Variants in PALLD observed in about 807,000 individuals in gnomAD.
PALLD encodes the protein palladin.
A neutral mutation model predicts 123.5 loss-of-function variants in PALLD; 61 were observed. That is an observed-to-expected ratio of 0.49 (90% CI 0.40 to 0.61). The LOEUF (loss-of-function observed/expected upper bound fraction) is 0.61, where lower values mean the gene tolerates loss of function less well. PALLD is among the 20% of genes least tolerant of loss of function. PALLD has a pLI of 0.00. For missense variants in PALLD, 1,273 were observed against 1,377.0 expected (o/e 0.92, Z 1.20); for synonymous variants, 465 against 496.4 (o/e 0.94, Z 0.84).
At chr4:168,693,921 C>T (rs543602596) in intron 8 of PALLD, among the ~76,000 whole-genome samples, 15 of 152,222 alleles carry the variant, frequency 9.9e-5, no homozygotes, top group African/African-American at 3.6e-4. Context: ...ACGCAAGTGA[C>T]TAATTATATG....
At chr4:168,574,409 T>C (rs1769315667) in intron 2 of PALLD, among the ~76,000 whole-genome samples, 1 of 152,156 alleles carries the variant, frequency 6.6e-6, no homozygotes, top group Admixed American at 6.6e-5. Context: ...AGCTTCTTAC[T>C]TGTCTTCTTT....
At position 168,878,282 on chromosome 4, in the gene PALLD, A is replaced by T. The variant is rs1037038771; in HGVS notation, c.1965-12640A>T. On this transcript the variant is annotated intron_variant, in intron 10 of 21. Transcript: ENST00000505667. ...GGCGTCCCACTGCTCGTCGCCTGCC[A>T]CCCGCTTCGGCCACAGCCAGACGCC... 1 of 1,526,028 alleles carries T rather than the reference A, an allele frequency of 6.6e-7. No homozygotes were observed. Among genetic ancestry groups the T allele is most frequent in the South Asian group, 1.2e-5 (1 of 82,944 alleles). The allele number at this position is 1,526,028 out of a possible 1,614,324, so 94.5% of individuals were successfully genotyped here. A position where few individuals can be genotyped will look rare whatever the true frequency, so the allele number is the denominator to read the frequency against.
rs1580674110 is a variant in PALLD, at chr4:168,631,975, A to G, written c.909-36215A>G. ...CAGCCTTTCCAGGCAGTGGCATGCA[A>G]GTACTCGTGCGAAGAGTACTGTTTG... On this transcript the variant is annotated intron_variant, in intron 2 of 21. Coordinates refer to ENST00000505667, the MANE Select transcript of PALLD (RefSeq NM_001166108.2). 3.4e-6 allele frequency: 3 copies of G among 877,722 alleles called. No homozygotes were observed. The East Asian group carries it at 3.6e-4, about 106-fold the overall frequency. 54.4% of individuals were successfully genotyped at this position (877,722 alleles called of 1,614,324 possible).
intron 2 of PALLD, among the ~76,000 whole-genome samples, chr4:168,515,872 AAAC>A (rs140882100): frequency 0.29 from 44,359 of 151,886 alleles, 6,557 homozygotes; most frequent in Non-Finnish European, 0.33. Context: ...AGCTTAGATT[AAAC>A]AACAGAGATT....
chr4:168,823,290 C>T (rs1742982699), intron 10 of PALLD, among the ~76,000 whole-genome samples: 1 of 152,174 alleles, frequency 6.6e-6, no homozygotes, highest in Admixed American at 6.5e-5. Flanking sequence ...CTGGCCCCAT[C>T]GATTTTTACT....
chr4:168,625,707 C>A (rs997476358), intron 2 of PALLD, among the ~76,000 whole-genome samples: 23 of 151,994 alleles, frequency 1.5e-4, no homozygotes, highest in African/African-American at 5.5e-4. Flanking sequence ...ATCAAAACCC[C>A]AATGAGATAT....
rs536328800 is a variant in PALLD at position 168,610,475 on chromosome 4, G to A, written c.909-57715G>A. ...TTCGTCGAAGGTTGTGTGTGGAGGG[G>A]TGCTGGGGAAGGCAATGCATGCAGC... On this transcript the variant is annotated intron_variant, in intron 2 of 21. Coordinates refer to ENST00000505667, the MANE Select transcript of PALLD (RefSeq NM_001166108.2). 1.1e-4 allele frequency among the ~76,000 whole-genome samples: 16 copies of A among 152,334 alleles called. No homozygotes were observed. In the South Asian group the frequency reaches 3.3e-3, roughly 32 times the overall value.
At chr4:168,673,511 C>A (rs138169408) in intron 3 of PALLD, among the ~76,000 whole-genome samples, 35 of 152,188 alleles carry the variant, frequency 2.3e-4, no homozygotes, top group African/African-American at 7.5e-4. Flanking sequence ...CGGGGTATGC[C>A]GGACACAGGG....
At chr4:168,786,971 C>A (rs942776912) in intron 10 of PALLD, among the ~76,000 whole-genome samples, 2 of 152,114 alleles carry the variant, frequency 1.3e-5, no homozygotes, top group Non-Finnish European at 2.9e-5. Flanking sequence ...ATAACAAGGT[C>A]TATATATCAA....
chr4:168,583,550 T>C (rs947537369), intron 2 of PALLD, among the ~76,000 whole-genome samples: 1 of 152,190 alleles, frequency 6.6e-6, no homozygotes, highest in African/African-American at 2.4e-5. Context: ...GTCATCTTCA[T>C]GCACCAGACT....
At chr4:168,519,904 C>CT (rs33986145) in intron 2 of PALLD, among the ~76,000 whole-genome samples, 46 of 150,956 alleles carry the variant, frequency 3.0e-4, no homozygotes, top group Admixed American at 5.3e-4. Flanking sequence ...CATTTTAAAT[C>CT]TTTTTTTTTT....
In PALLD at chr4:168,677,578, G is replaced by A. The variant is rs1425379721; in HGVS notation, c.1088-3754G>A. ...AACTGTTTTCTCTCCCCAATTTTTC[G>A]CTACCTTGAGAGTGTGTGTGATAAC... is the stretch of plus-strand genomic sequence containing the variant. On this transcript the variant is annotated intron_variant, in intron 3 of 21. Coordinates refer to ENST00000505667, the MANE Select transcript of PALLD (RefSeq NM_001166108.2). 4.0e-5 allele frequency among the ~76,000 whole-genome samples: 6 copies of A among 151,740 alleles called. No homozygotes were observed. In the South Asian group the frequency reaches 6.2e-4, roughly 16 times the overall value.
Position 168,703,608 on chromosome 4 carries a change from G to A in PALLD, c.1502-5420G>A, listed in dbSNP as rs796374849. 8.5e-3 allele frequency among the ~76,000 whole-genome samples: 979 copies of A among 114,648 alleles called. 11 individuals are homozygous for A. Among genetic ancestry groups the A allele is most frequent in the Middle Eastern group, 0.031 (8 of 258 alleles). 75.2% of individuals were successfully genotyped at this position (114,648 alleles called of 152,430 possible). ...TTTTTAATGATTGCCATTCTAACTG[G>A]TGTGAGATGGTATCTCATTGTGGTT... On this transcript the variant is annotated intron_variant, in intron 8 of 21. Transcript: ENST00000505667.
chr4:168,660,492 C>T (rs571494290), intron 2 of PALLD, among the ~76,000 whole-genome samples: 2 of 152,176 alleles, frequency 1.3e-5, no homozygotes, highest in East Asian at 1.9e-4. Context: ...CCTGCTAGTG[C>T]GATAATGTGA....
At chr4:168,595,511 A>G (rs1350121912) in intron 2 of PALLD, among the ~76,000 whole-genome samples, 1 of 152,186 alleles carries the variant, frequency 6.6e-6, no homozygotes, top group Admixed American at 6.5e-5. Flanking sequence ...ATAATTATAC[A>G]GATGAGCATT....
At chr4:168,654,677 A>T (rs1778382390) in intron 2 of PALLD, 1 of 152,254 alleles carries the variant, frequency 6.6e-6, no homozygotes, top group Non-Finnish European at 1.5e-5. Flanking sequence ...AGGTGTAATT[A>T]GTCCTGACTT....
At chr4:168,551,565 T>C (rs1388470798) in intron 2 of PALLD, among the ~76,000 whole-genome samples, 1 of 152,138 alleles carries the variant, frequency 6.6e-6, no homozygotes, top group Non-Finnish European at 1.5e-5. Flanking sequence ...AAAGGAGATA[T>C]CAATGTGGAT....
intron 2 of PALLD, among the ~76,000 whole-genome samples, chr4:168,639,677 G>A (rs1240737747): frequency 1.3e-5 from 2 of 151,832 alleles, no homozygotes; most frequent in Non-Finnish European, 2.9e-5. Flanking sequence ...CTGAGTAGCT[G>A]GGACTACAGG....
At chr4:168,792,141 G>T (rs544723831) in intron 10 of PALLD, among the ~76,000 whole-genome samples, 1 of 152,242 alleles carries the variant, frequency 6.6e-6, no homozygotes, top group Non-Finnish European at 1.5e-5. Context: ...CCTCAGCAGA[G>T]ATTCGTACCT....
Sources: allele counts gnomAD v4.1 joint callset (sites outside exome capture counted in the v4.1 genomes callset), GRCh38; gene constraint gnomAD v4.1.1; transcripts MANE v1.5; gene names NCBI Gene and HGNC (gene_info 2026-07-23, HGNC 2026-07-21).